The following OR4K13 variants were observed in gnomAD, a reference collection of about 807,000 sequenced individuals.
The protein encoded by OR4K13 is olfactory receptor family 4 subfamily K member 13, also known as olfactory receptor 4K13.
For missense variants in OR4K13, 403 were observed against 366.0 expected, an observed-to-expected ratio of 1.10 and a Z score of -0.82; for synonymous variants, 160 against 134.8, an observed-to-expected ratio of 1.19 and a Z score of -1.30.
In OR4K13 at chr14:20,034,436, C is replaced by T. The variant is rs749894366; in HGVS notation, c.323G>A (p.Gly108Asp). 1 of 1,613,924 alleles carries T rather than the reference C, an allele frequency of 6.2e-7. No individual in the cohort carries two copies. Among genetic ancestry groups the T allele is most frequent in the East Asian group, 2.2e-5 (1 of 44,866 alleles). ...TACAAGCAACATCATCTCACTCCCA[C>T]CCAGGAGGTGCATAAAGAACATCTG... ...YSQMFFMHLL[G>D]GSEMMLLVAM... The change falls in exon 2 of 2, where the codon GGT (glycine) becomes GAT (aspartate). Residue 108 changes from glycine to aspartate, a missense_variant. Transcript: ENST00000641904.
In OR4K13 at chr14:20,034,289, G is replaced by C. The variant is rs890048647; in HGVS notation, c.470C>G (p.Ser157Cys). Reference protein sequence around the residue: ...SSYAVGFVHSSSQMAFMLTLP... With the variant: ...SSYAVGFVHSCSQMAFMLTLP... ...AGTCAACATGAAAGCCATTTGACTA[G>C]ATGAGTGCACAAATCCAACTGCATA... is the stretch of plus-strand genomic sequence containing the variant. Residue 157 changes from serine to cysteine, a missense_variant, in exon 2 of 2, where the codon TCT becomes TGT. Transcript: ENST00000641904. The C allele has an allele frequency of 6.2e-7, 1 of 1,614,004 alleles. No individual in the cohort carries two copies. The highest frequency in any genetic ancestry group is 1.7e-5 in the Admixed American group (1 of 59,990).
chr14:20,034,044 T>C lies in OR4K13; in HGVS notation c.715A>G (p.Thr239Ala), dbSNP rs1257259251. The C allele has an allele frequency of 5.6e-6, 9 of 1,613,202 alleles. No homozygotes were observed. Among genetic ancestry groups the C allele is most frequent in the African/African-American group, 2.7e-5 (2 of 74,620 alleles). ...AASRSSKAFS[T>A]LSAHITVVTL... The stretch of plus-strand genomic sequence containing the variant: ...ACAACTGTGATGTGAGCTGAGAGAG[T>C]GGAGAAAGCCTTAGAGGATCGACTA... The change falls in exon 2 of 2, where the codon ACT becomes GCT. Residue 239 changes from threonine (T) to alanine (A), a missense_variant. By Grantham distance (58) the Thr-to-Ala change is moderately conservative. Coordinates refer to ENST00000641904, the MANE Select transcript of OR4K13 (RefSeq NM_001004714.2).
rs1360538817 is a variant in OR4K13, at chr14:20,033,521, G to A, written c.*323C>T. The A allele has an allele frequency of 5.8e-6, 1 of 172,744 alleles. No homozygotes were observed. The highest frequency in any genetic ancestry group is 1.2e-5 in the Non-Finnish European group (1 of 81,162). 10.7% of individuals were successfully genotyped at this position (172,744 alleles called of 1,614,324 possible). On this transcript the variant is annotated 3_prime_UTR_variant, in exon 2 of 2. Transcript: ENST00000641904. ...GAACTTATTTATTTTCTTCAAATTT[G>A]CACCAGAGAAACTGATAAAGGTGGG...
Position 20,033,722 on chromosome 14 carries a change from T to C in OR4K13, c.*122A>G, listed in dbSNP as rs1877478840. 1.7e-6 allele frequency: 1 copy of C among 599,188 alleles called. No individual in the cohort carries two copies. The allele number at this position is 599,188 out of a possible 1,614,324, so 37.1% of individuals were successfully genotyped here. A position where few individuals can be genotyped will look rare whatever the true frequency, so the allele number is the denominator to read the frequency against. ...ATTACTTTAATTTTGTCATTTACTT[T>C]AATGGCAAAAACCGCAATGACTTTT... On this transcript the variant is annotated 3_prime_UTR_variant, in exon 2 of 2. Coordinates refer to ENST00000641904, the MANE Select transcript of OR4K13 (RefSeq NM_001004714.2).
chr14:20,031,178 A>G lies in OR4K13; in HGVS notation c.*2666T>C, dbSNP rs1053119959. ...TGTGCCTCGGCTCCTCTGAAACAGC[A>G]ATACTGTAAAACGCCGAGAACCTCA... On this transcript the variant is annotated 3_prime_UTR_variant, in exon 2 of 2. Coordinates refer to ENST00000641904, the MANE Select transcript of OR4K13 (RefSeq NM_001004714.2). 2 of 152,222 alleles carry G rather than the reference A, an allele frequency of 1.3e-5. No individual in the cohort carries two copies. The highest frequency in any genetic ancestry group is 2.9e-5 in the Non-Finnish European group (2 of 68,036). The allele number at this position is 152,222 out of a possible 1,614,324, so 9.4% of individuals were successfully genotyped here. A position where few individuals can be genotyped will look rare whatever the true frequency, so the allele number is the denominator to read the frequency against.
chr14:20,034,910 T>G lies in OR4K13; in HGVS notation c.-152A>C, dbSNP rs1877531263. The G allele has an allele frequency of 1.3e-5, 8 of 631,662 alleles. No homozygotes were observed. Among genetic ancestry groups the G allele is most frequent in the South Asian group, 6.3e-5 (3 of 47,484 alleles). The allele number at this position is 631,662 out of a possible 1,614,324, so 39.1% of individuals were successfully genotyped here. On this transcript the variant is annotated 5_prime_UTR_variant, in exon 2 of 2. Transcript: ENST00000641904. ...AAGGACCCTTACTTTTGTGGAATTT[T>G]GTCAGTCAGTGATTTTACTAATGGC...
rs1877445325 is a variant in OR4K13, at chr14:20,032,496, T to C, written c.*1348A>G. On this transcript the variant is annotated 3_prime_UTR_variant, in exon 2 of 2. Coordinates refer to ENST00000641904, the MANE Select transcript of OR4K13 (RefSeq NM_001004714.2). ...CTAGTACTCAATGTTTTATCTTCTG[T>C]CTCTGGAATGGCTTTTCTGGATACT... is the stretch of plus-strand genomic sequence containing the variant. The C allele has an allele frequency of 6.6e-6, 1 of 152,186 alleles. No homozygotes were observed. The highest frequency in any genetic ancestry group is 1.5e-5 in the Non-Finnish European group (1 of 68,030). 9.4% of individuals were successfully genotyped at this position (152,186 alleles called of 1,614,324 possible).
rs1460770888 is a variant in OR4K13, at chr14:20,034,718, A to T, written c.41T>A (p.Leu14Ter). ...ANHSVVSEFI[L>*]LGLSKSQNLQ... Reference sequence around the variant, plus strand: ...ATTTTGAGATTTGGAAAGTCCCAACAAAATAAATTCCGATACCACTGAATG... The same window carrying T: ...ATTTTGAGATTTGGAAAGTCCCAACTAAATAAATTCCGATACCACTGAATG... Residue 14 changes from leucine (L) to a stop codon, truncating the protein, a stop_gained, in exon 2 of 2, where the codon TTG becomes TAG. Transcript: ENST00000641904. LOFTEE classifies it low-confidence loss of function (END_TRUNC). 1.2e-6 allele frequency: 2 copies of T among 1,611,766 alleles called. No individual in the cohort carries two copies. The highest frequency in any genetic ancestry group is 1.7e-6 in the Non-Finnish European group (2 of 1,179,284).
rs1246824042 is a variant in OR4K13, at chr14:20,035,940, G to T, written c.-226C>A. On this transcript the variant is annotated splice_region_variant and 5_prime_UTR_variant, in exon 1 of 2. Coordinates refer to ENST00000641904, the MANE Select transcript of OR4K13 (RefSeq NM_001004714.2). ...CTTTTTGTGCTGTTATTACTTACAA[G>T]ACAGGGGAAAAAAACTTTCGTGATG... 6.6e-6 allele frequency: 1 copy of T among 151,986 alleles called. No homozygotes were observed. Among genetic ancestry groups the T allele is most frequent in the African/African-American group, 2.4e-5 (1 of 41,390 alleles). The allele number at this position is 151,986 out of a possible 1,614,324, so 9.4% of individuals were successfully genotyped here.
intron 1 of OR4K13, among the ~76,000 whole-genome samples, chr14:20,035,355 T>G (rs1877540478): frequency 6.6e-6 from 1 of 151,914 alleles, no homozygotes; most frequent in South Asian, 2.1e-4. Flanking sequence ...AAACTTACCT[T>G]ATTTCCTCCA....
chr14:20,033,775 T>A lies in OR4K13; in HGVS notation c.*69A>T. On this transcript the variant is annotated 3_prime_UTR_variant, in exon 2 of 2. Coordinates refer to ENST00000641904, the MANE Select transcript of OR4K13 (RefSeq NM_001004714.2). ...ACGAACCTGATACATTAAAAACGAG[T>A]TTCTTAAATGTTCAAACAAACAAGA... The A allele has an allele frequency of 1.1e-6, 1 of 873,058 alleles. No homozygotes were observed. The highest frequency in any genetic ancestry group is 1.8e-5 in the South Asian group (1 of 54,510). The allele number at this position is 873,058 out of a possible 1,614,324, so 54.1% of individuals were successfully genotyped here.
rs144338744 is a variant in OR4K13 at position 20,033,949 on chromosome 14, A to C, written c.810T>G (p.Ile270Met). 14 of 1,612,294 alleles carry C rather than the reference A, an allele frequency of 8.7e-6. No homozygotes were observed. The highest frequency in any genetic ancestry group is 2.5e-6 in the Non-Finnish European group (3 of 1,178,506). The change falls in exon 2 of 2, where the codon ATT becomes ATG. Residue 270 changes from isoleucine (I) to methionine (M), a missense_variant. Transcript: ENST00000641904. ...WPFSRYSVDK[I>M]LSVFYTIFTP... is the part of the protein sequence containing the mutation. ...TGAAAATTGTGTAAAACACAGAAAGAATTTTATCTACCGAGTATCTGCTGA... is the reference window on the plus strand; with the variant it reads ...TGAAAATTGTGTAAAACACAGAAAGCATTTTATCTACCGAGTATCTGCTGA...
Position 20,034,659 on chromosome 14 carries a change from C to A in OR4K13, c.100G>T (p.Val34Phe). 2 of 1,613,812 alleles carry A rather than the reference C, an allele frequency of 1.2e-6. No homozygotes were observed. The highest frequency in any genetic ancestry group is 1.7e-6 in the Non-Finnish European group (2 of 1,179,916). ...TTTCCTAACACAATCCCCACGAAGA[C>A]CACAGAGAATCCCAAGAAGAATAAA... ...QILFFLGFSV[V>F]FVGIVLGNLL... Residue 34 changes from valine to phenylalanine, a missense_variant, in exon 2 of 2, where the codon GTC becomes TTC. Val to Phe is a conservative substitution (Grantham distance 50). Transcript: ENST00000641904.
In OR4K13 at chr14:20,034,399, T is replaced by C; in HGVS notation, c.360A>G (p.Ile120Met). 2 of 1,614,068 alleles carry C rather than the reference T, an allele frequency of 1.2e-6. No individual in the cohort carries two copies. Among genetic ancestry groups the C allele is most frequent in the Non-Finnish European group, 1.7e-6 (2 of 1,180,000 alleles). The stretch of plus-strand genomic sequence containing the variant: ...GTTTGCATATGGCAACATACCTGTC[T>C]ATTGCCATGGCTACAAGCAACATCA... The part of the protein sequence containing the change: ...SEMMLLVAMA[I>M]DRYVAICKPL... Residue 120 changes from isoleucine to methionine, a missense_variant, in exon 2 of 2, where the codon ATA becomes ATG. Transcript: ENST00000641904.
rs1030833178 is a variant in OR4K13 at position 20,029,428 on chromosome 14, G to C, written c.*4416C>G. On this transcript the variant is annotated 3_prime_UTR_variant, in exon 2 of 2. Transcript: ENST00000641904. ...AAGTTAAAAATTAAACCACGTTCTA[G>C]GATAGGAAAGTCAAATGTGGTCAAT... is the stretch of plus-strand genomic sequence containing the variant. The C allele has an allele frequency of 6.6e-6, 1 of 152,000 alleles. No individual in the cohort carries two copies. Among genetic ancestry groups the C allele is most frequent in the East Asian group, 1.9e-4 (1 of 5,202 alleles). 9.4% of individuals were successfully genotyped at this position (152,000 alleles called of 1,614,324 possible).
Position 20,033,622 on chromosome 14 carries a change from T to C in OR4K13, c.*222A>G, listed in dbSNP as rs1158893866. On this transcript the variant is annotated 3_prime_UTR_variant, in exon 2 of 2. Transcript: ENST00000641904. ...AGATCACAAAAAGGTGTTTGCTTTTTAACAATTACATCTACTATTTCCTCA... is the reference window on the plus strand; with the variant it reads ...AGATCACAAAAAGGTGTTTGCTTTTCAACAATTACATCTACTATTTCCTCA... 8.5e-6 allele frequency: 3 copies of C among 350,970 alleles called. No homozygotes were observed. Among genetic ancestry groups the C allele is most frequent in the African/African-American group, 2.1e-5 (1 of 47,556 alleles). 21.7% of individuals were successfully genotyped at this position (350,970 alleles called of 1,614,324 possible). A position where few individuals can be genotyped will look rare whatever the true frequency, so the allele number is the denominator to read the frequency against.
rs1178925622 is a variant in OR4K13, at chr14:20,034,547, A to C, written c.212T>G (p.Met71Arg). The C allele has an allele frequency of 6.2e-7, 1 of 1,614,086 alleles. No individual in the cohort carries two copies. The highest frequency in any genetic ancestry group is 8.5e-7 in the Non-Finnish European group (1 of 1,180,014). Residue 71 changes from methionine (M) to arginine (R), a missense_variant, in exon 2 of 2, where the codon ATG becomes AGG. Physicochemically the swap from Met to Arg is moderately conservative, Grantham distance 91. Transcript: ENST00000641904. Reference sequence around the variant, plus strand: ...AGGGGTAGCAAAAGAAGCCAGGATCATATCAATGCAGGAGAGGTTGCTAAG... The same window carrying C: ...AGGGGTAGCAAAAGAAGCCAGGATCCTATCAATGCAGGAGAGGTTGCTAAG... ...FLLSNLSCID[M>R]ILASFATPKM...
chr14:20,035,765 A>G (rs1877553262), intron 1 of OR4K13, 173 bp downstream of exon 1: 1 of 152,110 alleles, frequency 6.6e-6, no homozygotes. Flanking sequence ...AGTATAATCT[A>G]AATTTATGAC....
Position 20,034,106 on chromosome 14 carries a change from T to C in OR4K13, c.653A>G (p.Tyr218Cys), listed in dbSNP as rs764317807. The C allele has an allele frequency of 2.5e-6, 4 of 1,613,966 alleles. No homozygotes were observed. Among genetic ancestry groups the C allele is most frequent in the Non-Finnish European group, 3.4e-6 (4 of 1,179,996 alleles). The change falls in exon 2 of 2, where the codon TAT becomes TGT. Residue 218 changes from tyrosine to cysteine, a missense_variant. Transcript: ENST00000641904. ...LVCFLLLLVS[Y>C]GVIIFSVRYR... ...CCTAACTGAGAATATTATGACTCCA[T>C]AGGAGACAAGCAAGAGGAGGAAGCA... is the stretch of plus-strand genomic sequence containing the variant.
Sources: gnomAD v4.1 joint callset for allele counts (sites outside exome capture counted in the v4.1 genomes callset) on GRCh38, gnomAD v4.1.1 for gene constraint, MANE v1.5 for transcripts, NCBI Gene and HGNC (gene_info 2026-07-23, HGNC 2026-07-21) for gene names.